The following SIPA1L2 variants were observed in gnomAD, a reference collection of about 807,000 sequenced individuals.
The protein encoded by SIPA1L2 is signal induced proliferation associated 1 like 2.
Under a neutral mutation model 163.9 loss-of-function variants are expected in SIPA1L2, and 56 were observed. The ratio of observed to expected loss-of-function variants is 0.34; its 90% CI spans 0.28 to 0.43. The LOEUF is 0.43. SIPA1L2 is among the 20% of genes least tolerant of loss of function. The pLI is 1.00. For synonymous variants in SIPA1L2, 877 were observed against 865.7 expected (o/e 1.01, Z -0.23); for missense variants, 1,974 against 2,193.5 (o/e 0.90, Z 2.00).
At chr1:232,442,277 C>T (rs1380701378) in intron 12 of SIPA1L2, among the ~76,000 whole-genome samples, 7 of 150,922 alleles carry the variant, frequency 4.6e-5, no homozygotes, top group Non-Finnish European at 7.4e-5. Flanking sequence ...GGGCCGGGCA[C>T]GGTGGCTCCT....
intron 16 of SIPA1L2, among the ~76,000 whole-genome samples, chr1:232,430,241 G>C (rs956454425): frequency 6.6e-6 from 1 of 152,202 alleles, no homozygotes; most frequent in Admixed American, 6.5e-5. Flanking sequence ...TGAGCTAGCG[G>C]GTGCAGAGAA....
intron 1 of SIPA1L2, among the ~76,000 whole-genome samples, chr1:232,628,797 G>T (rs1484749669): frequency 6.6e-6 from 1 of 152,160 alleles, no homozygotes; most frequent in Non-Finnish European, 1.5e-5. Flanking sequence ...AAGCCATCTA[G>T]TGTTAACGTT....
At chr1:232,536,120 A>G (rs1657289599) in intron 2 of SIPA1L2, among the ~76,000 whole-genome samples, 1 of 152,226 alleles carries the variant, frequency 6.6e-6, no homozygotes, top group African/African-American at 2.4e-5. Context: ...AAGGAGACCA[A>G]GGAAGCACGA....
At position 232,483,783 on chromosome 1, in the gene SIPA1L2, T is replaced by C. The variant is rs1385249835; in HGVS notation, c.1981+9A>G. 2 of 1,613,596 alleles carry C rather than the reference T, an allele frequency of 1.2e-6. No homozygotes were observed. Among genetic ancestry groups the C allele is most frequent in the Non-Finnish European group, 1.7e-6 (2 of 1,179,816 alleles). The stretch of plus-strand genomic sequence containing the variant: ...TAAAAATGTGCACACACACAAACAT[T>C]AAACTTACTCTTATTGTCTAGCTGA... On this transcript the variant is annotated intron_variant, in intron 6 of 22. Transcript: ENST00000674635.
chr1:232,608,164 G>A (rs1408604927), intron 1 of SIPA1L2, among the ~76,000 whole-genome samples: 1 of 151,358 alleles, frequency 6.6e-6, no homozygotes, highest in Non-Finnish European at 1.5e-5. Flanking sequence ...TCATGCCTCA[G>A]CCTCCTGAGT....
chr1:232,450,391 C>T (rs772789682), intron 10 of SIPA1L2, among the ~76,000 whole-genome samples: 3 of 152,098 alleles, frequency 2.0e-5, no homozygotes, highest in Non-Finnish European at 2.9e-5. Context: ...TCCCCATAGC[C>T]AAAGACCTAA....
At chr1:232,586,523 A>G (rs1396036922) in intron 1 of SIPA1L2, among the ~76,000 whole-genome samples, 1 of 152,222 alleles carries the variant, frequency 6.6e-6, no homozygotes, top group African/African-American at 2.4e-5. Context: ...ACGTAATCAC[A>G]CAAATCAGAA....
At chr1:232,593,738 T>A (rs2102834096) in intron 1 of SIPA1L2, among the ~76,000 whole-genome samples, 2 of 151,306 alleles carry the variant, frequency 1.3e-5, no homozygotes, top group East Asian at 3.9e-4. Flanking sequence ...CACACAAAAA[T>A]AAATAAATAA....
At chr1:232,630,226 C>T (rs1663320759), upstream of SIPA1L2, among the ~76,000 whole-genome samples, 1 of 151,746 alleles carries the variant, frequency 6.6e-6, no homozygotes, top group Non-Finnish European at 1.5e-5. Context: ...CCTGCAGGCC[C>T]CCTCGGCCCC....
At chr1:232,587,939 C>T (rs1301893992) in intron 1 of SIPA1L2, among the ~76,000 whole-genome samples, 1 of 152,198 alleles carries the variant, frequency 6.6e-6, no homozygotes, top group African/African-American at 2.4e-5. Context: ...TTTCACCTTC[C>T]ACCATGATTG....
At chr1:232,450,085 T>C (rs1230232619) in intron 10 of SIPA1L2, among the ~76,000 whole-genome samples, 2 of 152,222 alleles carry the variant, frequency 1.3e-5, no homozygotes, top group East Asian at 3.9e-4. Context: ...CACCTGCTTA[T>C]AGAACATGAG....
chr1:232,430,500 G>C (rs1231059484), intron 16 of SIPA1L2, among the ~76,000 whole-genome samples: 1 of 152,232 alleles, frequency 6.6e-6, no homozygotes, highest in Non-Finnish European at 1.5e-5. Context: ...TGCACAATGA[G>C]ACACTAAAAA....
intron 16 of SIPA1L2, among the ~76,000 whole-genome samples, chr1:232,431,577 C>T (rs951148729): frequency 5.9e-5 from 9 of 152,176 alleles, no homozygotes; most frequent in African/African-American, 2.2e-4. Context: ...CAGACCTGAT[C>T]ATTTAGCACG....
At position 232,574,076 on chromosome 1, in the gene SIPA1L2, C is replaced by G. The variant is rs147154868; in HGVS notation, c.-270+98G>C. 2.1e-3 allele frequency among the ~76,000 whole-genome samples: 313 copies of G among 152,158 alleles called. 2 individuals carry two copies. The highest frequency in any genetic ancestry group is 7.2e-3 in the African/African-American group (297 of 41,512). ...CATACACTCTATCAGCCTAGGGAAA[C>G]CAAAACAATCTTTTAAAAAAAATTA... is the stretch of plus-strand genomic sequence containing the variant. On this transcript the variant is annotated intron_variant, in intron 2 of 22. Transcript: ENST00000674635.
intron 7 of SIPA1L2, among the ~76,000 whole-genome samples, chr1:232,475,386 C>T (rs1664994922): frequency 6.6e-6 from 1 of 152,208 alleles, no homozygotes; most frequent in Non-Finnish European, 1.5e-5. Context: ...TGCACTTATA[C>T]ATACATATGC....
chr1:232,422,230 G>A (rs573357266), intron 18 of SIPA1L2, among the ~76,000 whole-genome samples: 1 of 152,256 alleles, frequency 6.6e-6, no homozygotes, highest in Non-Finnish European at 1.5e-5. Context: ...TGGATCAGGT[G>A]ATATTTGCAT....
chr1:232,570,713 C>A (rs1659676892), intron 2 of SIPA1L2, among the ~76,000 whole-genome samples: 1 of 151,878 alleles, frequency 6.6e-6, no homozygotes, highest in Non-Finnish European at 1.5e-5. Context: ...TCATATGGAT[C>A]CAAATCAAAA....
At chr1:232,437,832 C>T (rs755708998) in intron 15 of SIPA1L2, among the ~76,000 whole-genome samples, 5 of 152,120 alleles carry the variant, frequency 3.3e-5, no homozygotes, top group African/African-American at 7.2e-5. Flanking sequence ...CGGGGACAGA[C>T]GAGCGTGACT....
intron 1 of SIPA1L2, among the ~76,000 whole-genome samples, chr1:232,603,467 G>A (rs949932142): frequency 2.0e-5 from 3 of 152,164 alleles, no homozygotes; most frequent in Non-Finnish European, 2.9e-5. Context: ...GGAGGAGAAC[G>A]AGGCGCAGAG....
Sources: allele counts gnomAD v4.1 joint callset (sites outside exome capture counted in the v4.1 genomes callset), GRCh38; gene constraint gnomAD v4.1.1; transcripts MANE v1.5; gene names NCBI Gene and HGNC (gene_info 2026-07-23, HGNC 2026-07-21).